MAF: variants seen among roughly 807,000 people sequenced by gnomAD.
MAF encodes MAF bZIP transcription factor, also known as transcription factor Maf.
Under a neutral mutation model 22.0 loss-of-function variants are expected in MAF, and 10 were observed. The observed-to-expected ratio is 0.45, with a 90% CI of 0.28 to 0.77. The LOEUF (loss-of-function observed/expected upper bound fraction) is 0.77. MAF is among the 30% of genes least tolerant of loss of function. The probability of loss-of-function intolerance (pLI) is 0.12; values close to 1 mark genes in which losing one functional copy is unlikely to be tolerated. For missense variants in MAF, 544 were observed against 548.4 expected (o/e 0.99, Z 0.08); for synonymous variants, 337 against 255.8 (o/e 1.32, Z -3.03).
At chr16:79,555,012 G>C in the MAF span, among the ~76,000 whole-genome samples, 4 of 152,134 alleles carry the variant, frequency 2.6e-5, no homozygotes, top group Non-Finnish European at 5.9e-5. Flanking sequence ...GAACTGGTGG[G>C]AAGAACTTTT....
At chr16:79,371,766 C>T in the MAF span, among the ~76,000 whole-genome samples, 2 of 152,198 alleles carry the variant, frequency 1.3e-5, no homozygotes, top group Admixed American at 6.5e-5. Flanking sequence ...GGCCCACCAC[C>T]GTTCAGACTA....
At chr16:79,558,693 T>C in the MAF span, among the ~76,000 whole-genome samples, 71 of 152,306 alleles carry the variant, frequency 4.7e-4, no homozygotes, top group African/African-American at 1.6e-3. Context: ...CGTTGAGTGA[T>C]GCAGATACTC....
At chr16:79,353,269 C>T in the MAF span, among the ~76,000 whole-genome samples, 1 of 152,040 alleles carries the variant, frequency 6.6e-6, no homozygotes, top group African/African-American at 2.4e-5. Context: ...GCTGGGACCA[C>T]AATGGCCTAC....
At chr16:79,401,113 C>A in the MAF span, among the ~76,000 whole-genome samples, 32 of 152,298 alleles carry the variant, frequency 2.1e-4, no homozygotes, top group African/African-American at 7.5e-4. Context: ...TCTCCCAAGG[C>A]CCTGCTTCAT....
At chr16:79,518,093 T>G in the MAF span, among the ~76,000 whole-genome samples, 1 of 152,208 alleles carries the variant, frequency 6.6e-6, no homozygotes, top group Non-Finnish European at 1.5e-5. Context: ...TAGACATTAG[T>G]TTATTACATT....
At chr16:79,299,482 G>C in the MAF span, among the ~76,000 whole-genome samples, 29 of 152,186 alleles carry the variant, frequency 1.9e-4, no homozygotes, top group Admixed American at 1.9e-3. Flanking sequence ...AAACTGTGCA[G>C]ACAAGCGGGT....
At chr16:79,204,440 G>A in the MAF span, 2 of 152,062 alleles carry the variant, frequency 1.3e-5, no homozygotes, top group African/African-American at 2.4e-5. Flanking sequence ...CCCCAGCAAA[G>A]CATGTCTAGG....
the MAF span, among the ~76,000 whole-genome samples, chr16:79,528,607 T>A: frequency 6.6e-6 from 1 of 151,298 alleles, no homozygotes; most frequent in East Asian, 1.9e-4. Context: ...CCCATTCTCT[T>A]AATAAAACAC....
At chr16:79,363,731 TG>T in the MAF span, among the ~76,000 whole-genome samples, 7 of 152,230 alleles carry the variant, frequency 4.6e-5, no homozygotes, top group Non-Finnish European at 7.4e-5. Context: ...CCTCAGTGAA[TG>T]GGGTCACTGG....
At chr16:79,431,925 G>A in the MAF span, among the ~76,000 whole-genome samples, 1 of 152,164 alleles carries the variant, frequency 6.6e-6, no homozygotes, top group Non-Finnish European at 1.5e-5. Context: ...TGAAGACTGA[G>A]CTGCCAGTAT....
chr16:79,440,628 G>A, the MAF span, among the ~76,000 whole-genome samples: 1 of 152,086 alleles, frequency 6.6e-6, no homozygotes, highest in Non-Finnish European at 1.5e-5. Flanking sequence ...TAGAGAAGGG[G>A]TTTCACCATG....
At chr16:79,514,197 A>G in the MAF span, among the ~76,000 whole-genome samples, 1 of 152,224 alleles carries the variant, frequency 6.6e-6, no homozygotes, top group Non-Finnish European at 1.5e-5. Flanking sequence ...AGAAAAGCAA[A>G]TGTGTTCTCA....
the MAF span, among the ~76,000 whole-genome samples, chr16:79,458,404 C>T: frequency 6.6e-6 from 1 of 152,078 alleles, no homozygotes; most frequent in African/African-American, 2.4e-5. Flanking sequence ...CCATGTGGCC[C>T]TCAGAGACAG....
At chr16:79,330,714 T>C in the MAF span, among the ~76,000 whole-genome samples, 10 of 152,124 alleles carry the variant, frequency 6.6e-5, no homozygotes, top group African/African-American at 2.4e-4. Flanking sequence ...GCACAGTGCT[T>C]ACAAATTTGA....
At chr16:79,332,728 G>A in the MAF span, among the ~76,000 whole-genome samples, 2 of 152,352 alleles carry the variant, frequency 1.3e-5, no homozygotes, top group Middle Eastern at 3.4e-3. Flanking sequence ...CTCCTTTGAT[G>A]GAGGAGTAAA....
At chr16:79,262,554 G>A in the MAF span, among the ~76,000 whole-genome samples, 3 of 152,284 alleles carry the variant, frequency 2.0e-5, no homozygotes, top group Admixed American at 6.5e-5. Context: ...AGAGGATACA[G>A]CACACGCAAA....
chr16:79,497,359 C>G, the MAF span, among the ~76,000 whole-genome samples: 1 of 152,032 alleles, frequency 6.6e-6, no homozygotes, highest in Non-Finnish European at 1.5e-5. Context: ...CCATGTATGC[C>G]CCTCAACTCT....
At chr16:79,289,945 C>T in the MAF span, among the ~76,000 whole-genome samples, 1 of 148,074 alleles carries the variant, frequency 6.8e-6, no homozygotes, top group Non-Finnish European at 1.5e-5. Context: ...CAACCTCCAC[C>T]TCCTGGATTC....
chr16:79,341,458 G>A, the MAF span, among the ~76,000 whole-genome samples: 11 of 152,122 alleles, frequency 7.2e-5, no homozygotes, highest in Non-Finnish European at 1.5e-4. Flanking sequence ...CACCTCTTTG[G>A]TATCTCTTCT....
Sources: allele counts gnomAD v4.1 joint callset (sites outside exome capture counted in the v4.1 genomes callset), GRCh38; gene constraint gnomAD v4.1.1; transcripts MANE v1.5; gene names NCBI Gene and HGNC (gene_info 2026-07-23, HGNC 2026-07-21).